Variants in CFAP47 observed in about 807,000 individuals in gnomAD.
CFAP47 encodes cilia- and flagella-associated protein 47.
CFAP47 carries 29 observed loss-of-function variants against 148.1 expected under a neutral mutation model. That is an observed-to-expected ratio of 0.20 (90% CI 0.15 to 0.27). The LOEUF is 0.27. Among genes scored for constraint, CFAP47 ranks in the 10% least tolerant of loss-of-function variants. The probability of loss-of-function intolerance (pLI) is 1.00; values close to 1 mark genes in which losing one functional copy is unlikely to be tolerated. For missense variants in CFAP47, 1,872 were observed against 1,697.5 expected, an observed-to-expected ratio of 1.10 and a Z score of -1.81; for synonymous variants, 664 against 577.3, an observed-to-expected ratio of 1.15 and a Z score of -2.15.
At position 36,315,815 on chromosome X, in the gene CFAP47, T is replaced by A. The variant is rs183251620; in HGVS notation, c.8345-3394T>A. On this transcript the variant is annotated intron_variant, in intron 56 of 63. Coordinates refer to ENST00000378653, the MANE Select transcript of CFAP47 (RefSeq NM_001304548.2). ...TGCCTTGAGCCTCATGTATCCACAG[T>A]AGTAACTTCCTTTATAATACACCAT... Among the ~76,000 whole-genome samples the A allele has an allele frequency of 1.6e-4, 18 of 111,478 alleles. No homozygotes were observed. In the East Asian group the frequency reaches 4.0e-3, roughly 25 times the overall value.
chrX:36,294,551 A>G (rs142436157), intron 51 of CFAP47, among the ~76,000 whole-genome samples: 4,424 of 109,765 alleles, frequency 0.04, 226 homozygotes, highest in African/African-American at 0.14. Flanking sequence ...TCTACTAAAA[A>G]TACAAAAAAA....
chrX:36,276,079 A>G (rs924404222), intron 49 of CFAP47, among the ~76,000 whole-genome samples: 5 of 110,074 alleles, frequency 4.5e-5, no homozygotes, highest in Admixed American at 2.9e-4. Flanking sequence ...ATCTTAATTC[A>G]TGTCACTAGT....
At chrX:36,059,551 G>A (rs1012845602) in intron 26 of CFAP47, among the ~76,000 whole-genome samples, 13 of 111,899 alleles carry the variant, frequency 1.2e-4, no homozygotes, top group Admixed American at 1.1e-3. Context: ...AGGTCAAGGC[G>A]TGATATTTAG....
intron 49 of CFAP47, among the ~76,000 whole-genome samples, chrX:36,261,837 G>A (rs1355664516): frequency 9.0e-6 from 1 of 111,477 alleles, no homozygotes; most frequent in African/African-American, 3.3e-5. Flanking sequence ...ATGAGCTGTT[G>A]GGTACACCTC....
At chrX:36,308,759 T>C (rs868993977) in intron 55 of CFAP47, among the ~76,000 whole-genome samples, 18 of 111,024 alleles carry the variant, frequency 1.6e-4, no homozygotes, top group African/African-American at 5.9e-4. Flanking sequence ...TAATGGCTGT[T>C]CTTATAGGGT....
At chrX:36,264,395 C>T (rs921498691) in intron 49 of CFAP47, among the ~76,000 whole-genome samples, 1 of 111,827 alleles carries the variant, frequency 8.9e-6, no homozygotes, top group African/African-American at 3.3e-5. Context: ...CACAGTTTAT[C>T]CCTTGGTTGC....
intron 1 of CFAP47, among the ~76,000 whole-genome samples, chrX:35,921,118 C>T (rs928113928): frequency 9.0e-6 from 1 of 111,371 alleles, no homozygotes; most frequent in African/African-American, 3.3e-5. Flanking sequence ...CCATTAGCTA[C>T]CACCTGGATC....
chrX:36,033,842 G>A (rs761189908), intron 23 of CFAP47, among the ~76,000 whole-genome samples: 1 of 111,327 alleles, frequency 9.0e-6, no homozygotes, highest in Non-Finnish European at 1.9e-5. Context: ...TTAATAGCAG[G>A]TTACATTGGA....
chrX:36,036,830 C>T (rs1937344232), intron 24 of CFAP47, among the ~76,000 whole-genome samples: 1 of 111,462 alleles, frequency 9.0e-6, no homozygotes, highest in Non-Finnish European at 1.9e-5. Context: ...CTCTCTCTCT[C>T]AATAATATTC....
Position 36,384,013 on chromosome X carries a change from G to C in CFAP47, c.9355-784G>C, listed in dbSNP as rs782484435. Among the ~76,000 whole-genome samples, 3 of 111,741 alleles carry C rather than the reference G, an allele frequency of 2.7e-5. No homozygotes were observed. The South Asian group carries it at 1.1e-3, about 42-fold the overall frequency. The stretch of plus-strand genomic sequence containing the variant: ...GATTTAGATGGTGATTGTCAGCAAT[G>C]ATCCTACATCATTTGTGGTATATTA... On this transcript the variant is annotated intron_variant, in intron 63 of 63. Transcript: ENST00000378653.
At chrX:36,038,491 A>G (rs764604545) in intron 24 of CFAP47, among the ~76,000 whole-genome samples, 3 of 111,869 alleles carry the variant, frequency 2.7e-5, no homozygotes, top group South Asian at 7.5e-4. Flanking sequence ...CCTACCAGGT[A>G]AAATTGGCCA....
intron 7 of CFAP47, among the ~76,000 whole-genome samples, chrX:35,954,832 G>T (rs758667454): frequency 9.0e-6 from 1 of 111,396 alleles, no homozygotes; most frequent in Non-Finnish European, 1.9e-5. Context: ...ATATCTGTTG[G>T]TCTGTCTCCC....
At chrX:36,068,120 C>T (rs1341871771) in intron 27 of CFAP47, among the ~76,000 whole-genome samples, 2 of 112,046 alleles carry the variant, frequency 1.8e-5, no homozygotes, top group Non-Finnish European at 1.9e-5. Context: ...CCACATTAAT[C>T]TTCTGCAAGT....
intron 1 of CFAP47, among the ~76,000 whole-genome samples, chrX:35,924,074 T>C (rs981905760): frequency 2.1e-5 from 2 of 97,345 alleles, no homozygotes; most frequent in South Asian, 4.6e-4. Flanking sequence ...CATATATGTA[T>C]ATATGTACAT....
intron 30 of CFAP47, among the ~76,000 whole-genome samples, chrX:36,095,845 G>A (rs1938266625): frequency 9.0e-6 from 1 of 111,055 alleles, no homozygotes; most frequent in African/African-American, 3.3e-5. Context: ...ATTTATTTCA[G>A]TTTCATGTAT....
rs1942051520 is a variant in CFAP47 at position 36,379,025 on chromosome X, T to C, written c.9186-325T>C. Among the ~76,000 whole-genome samples, 3 of 111,762 alleles carry C rather than the reference T, an allele frequency of 2.7e-5. No homozygotes were observed. The South Asian group carries it at 1.1e-3, about 42-fold the overall frequency. On this transcript the variant is annotated intron_variant, in intron 62 of 63. Transcript: ENST00000378653. ...TGGGGTTTCACCATGTTGGCCAGGCTGGTCTCCAACTCCTGACCTCAGGTG... is the reference window on the plus strand; with the variant it reads ...TGGGGTTTCACCATGTTGGCCAGGCCGGTCTCCAACTCCTGACCTCAGGTG...
At chrX:36,136,196 C>CAGT (rs34419695) in intron 33 of CFAP47, among the ~76,000 whole-genome samples, 9,113 of 108,922 alleles carry the variant, frequency 0.084, 415 homozygotes, top group East Asian at 0.28. Flanking sequence ...AACAGGATAA[C>CAGT]AGTTAGTTGT....
chrX:36,341,063 G>A (rs1941648617), intron 57 of CFAP47, among the ~76,000 whole-genome samples: 1 of 96,995 alleles, frequency 1.0e-5, no homozygotes, highest in Non-Finnish European at 2.0e-5. Context: ...TTGAGGCAAA[G>A]TCTCGTCCTG....
intron 50 of CFAP47, among the ~76,000 whole-genome samples, chrX:36,282,012 A>G (rs1392950529): frequency 2.7e-5 from 3 of 110,987 alleles, no homozygotes; most frequent in Admixed American, 9.7e-5. Flanking sequence ...TAATAATAAG[A>G]GTTCGTTTGT....
Sources: gnomAD v4.1 joint callset for allele counts (sites outside exome capture counted in the v4.1 genomes callset) on GRCh38, gnomAD v4.1.1 for gene constraint, MANE v1.5 for transcripts, NCBI Gene and HGNC (gene_info 2026-07-23, HGNC 2026-07-21) for gene names.